Variants in SETBP1 observed in about 807,000 individuals in gnomAD.
SETBP1 encodes SET binding protein 1, also known as SET-binding protein.
A neutral mutation model predicts 101.0 loss-of-function variants in SETBP1; 9 were observed. The observed-to-expected ratio is 0.09, with a 90% CI of 0.05 to 0.16. SETBP1 has a LOEUF of 0.16. Ranked by LOEUF, SETBP1 falls within the 10% of genes least tolerant of loss-of-function variation. The probability of loss-of-function intolerance (pLI) is 1.00; values close to 1 mark genes in which losing one functional copy is unlikely to be tolerated. For missense variants in SETBP1, 1,858 were observed against 2,033.8 expected (o/e 0.91, Z 1.66); for synonymous variants, 818 against 788.5 (o/e 1.04, Z -0.63).
At position 44,957,126 on chromosome 18, in the gene SETBP1, G is replaced by A. The variant is rs770134667; in HGVS notation, c.4000+3786G>A. On this transcript the variant is annotated intron_variant, in intron 4 of 5. Transcript: ENST00000649279. ...CAGCTCCTATTTGGGCCTGTCTGTC[G>A]GCAGGCATTGCCTTCTCTTGCACAC... 8.9e-4 allele frequency among the ~76,000 whole-genome samples: 136 copies of A among 152,082 alleles called. 3 individuals carry two copies. Among genetic ancestry groups the A allele is most frequent in the Non-Finnish European group, 4.9e-4 (33 of 68,022 alleles).
intron 2 of SETBP1, among the ~76,000 whole-genome samples, chr18:44,867,512 CAT>C (rs897342246): frequency 6.6e-6 from 1 of 152,222 alleles, no homozygotes; most frequent in African/African-American, 2.4e-5. Flanking sequence ...CTGATGTACA[CAT>C]GTCTGCATGT....
chr18:44,755,668 C>A (rs1271806168), intron 2 of SETBP1, among the ~76,000 whole-genome samples: 2 of 152,112 alleles, frequency 1.3e-5, no homozygotes, highest in African/African-American at 4.8e-5. Context: ...AGCCACACTA[C>A]TAGTTCCCTG....
At chr18:44,963,637 C>T (rs2071658761) in intron 4 of SETBP1, among the ~76,000 whole-genome samples, 1 of 151,826 alleles carries the variant, frequency 6.6e-6, no homozygotes. Context: ...ACCTGTAATC[C>T]CAGCACTTTG....
At chr18:44,814,167 C>T (rs1214727870) in intron 2 of SETBP1, among the ~76,000 whole-genome samples, 1 of 152,130 alleles carries the variant, frequency 6.6e-6, no homozygotes, top group Admixed American at 6.5e-5. Flanking sequence ...AAGGTTGGTA[C>T]AGAGAACCAC....
chr18:44,840,824 A>G (rs887253328), intron 2 of SETBP1, among the ~76,000 whole-genome samples: 16 of 152,232 alleles, frequency 1.1e-4, no homozygotes, highest in African/African-American at 3.6e-4. Context: ...AGAAATGTCA[A>G]TGCTGGGGCC....
At chr18:44,818,928 T>C (rs1791765241) in intron 2 of SETBP1, among the ~76,000 whole-genome samples, 1 of 152,024 alleles carries the variant, frequency 6.6e-6, no homozygotes, top group Non-Finnish European at 1.5e-5. Flanking sequence ...TATTTCCCCA[T>C]GTTTTCTTGG....
chr18:44,937,956 C>T (rs1283234376), intron 3 of SETBP1, among the ~76,000 whole-genome samples: 4 of 152,308 alleles, frequency 2.6e-5, no homozygotes, highest in African/African-American at 4.8e-5. Flanking sequence ...AAAATGATCT[C>T]TCATGTTCTT....
intron 1 of SETBP1, among the ~76,000 whole-genome samples, chr18:44,698,429 T>G (rs1222547969): frequency 6.6e-6 from 1 of 152,212 alleles, no homozygotes; most frequent in Non-Finnish European, 1.5e-5. Flanking sequence ...GCCATGACCT[T>G]TTATTTCCAG....
intron 2 of SETBP1, among the ~76,000 whole-genome samples, chr18:44,758,377 T>C (rs997045054): frequency 1.7e-4 from 25 of 150,524 alleles, no homozygotes; most frequent in African/African-American, 6.1e-4. Flanking sequence ...GTCACAGAGC[T>C]GAAAGAATTT....
chr18:44,756,535 A>G (rs2070500488), intron 2 of SETBP1, among the ~76,000 whole-genome samples: 1 of 152,198 alleles, frequency 6.6e-6, no homozygotes, highest in Admixed American at 6.5e-5. Flanking sequence ...GCCAGGCTCC[A>G]GGGCACACGG....
At chr18:44,850,816 A>G (rs1252324128) in intron 2 of SETBP1, among the ~76,000 whole-genome samples, 1 of 152,216 alleles carries the variant, frequency 6.6e-6, no homozygotes, top group Non-Finnish European at 1.5e-5. Context: ...CTCACTGACC[A>G]TGTCAAAATT....
At chr18:44,913,023 T>A (rs535177497) in intron 3 of SETBP1, among the ~76,000 whole-genome samples, 1 of 152,268 alleles carries the variant, frequency 6.6e-6, no homozygotes, top group East Asian at 1.9e-4. Flanking sequence ...AACCACAAGT[T>A]CTGGAGCTAG....
intron 4 of SETBP1, among the ~76,000 whole-genome samples, chr18:44,963,899 CAAAAAAAAA>C (rs59077847): frequency 2.4e-5 from 1 of 41,618 alleles, no homozygotes; most frequent in African/African-American, 1.1e-4. Flanking sequence ...GACCCCATCT[CAAAAAAAAA>C]AAAAAAAAAA....
chr18:44,997,872 A>G (rs1344177208), intron 4 of SETBP1, among the ~76,000 whole-genome samples: 1 of 152,230 alleles, frequency 6.6e-6, no homozygotes, highest in Non-Finnish European at 1.5e-5. Flanking sequence ...GCAGTTCATC[A>G]AATAGTCTTA....
intron 5 of SETBP1, among the ~76,000 whole-genome samples, chr18:45,048,897 G>A (rs377212156): frequency 4.8e-5 from 7 of 146,924 alleles, no homozygotes; most frequent in South Asian, 2.1e-4. Context: ...GCGTGAACCC[G>A]GGAAGCGGAG....
chr18:44,860,452 T>C (rs1394233454), intron 2 of SETBP1, among the ~76,000 whole-genome samples: 1 of 152,190 alleles, frequency 6.6e-6, no homozygotes, highest in Non-Finnish European at 1.5e-5. Flanking sequence ...GCAGGCATAC[T>C]GCCTGCAAGA....
chr18:44,959,465 A>G (rs2071563807), intron 4 of SETBP1, among the ~76,000 whole-genome samples: 1 of 152,254 alleles, frequency 6.6e-6, no homozygotes, highest in Non-Finnish European at 1.5e-5. Context: ...TTAATGATTT[A>G]TTTAATGCCT....
At chr18:44,751,121 G>A in intron 2 of SETBP1, among the ~76,000 whole-genome samples, 1 of 152,216 alleles carries the variant, frequency 6.6e-6, no homozygotes, top group Non-Finnish European at 1.5e-5. Flanking sequence ...GCAAAGTAAA[G>A]TTTTTTGTTT....
intron 3 of SETBP1, among the ~76,000 whole-genome samples, chr18:44,896,509 G>T (rs1474016748): frequency 6.6e-6 from 1 of 151,936 alleles, no homozygotes. Context: ...AAGTTTTTTT[G>T]TTTTGTTTTG....
Sources: gnomAD v4.1 joint callset for allele counts (sites outside exome capture counted in the v4.1 genomes callset) on GRCh38, gnomAD v4.1.1 for gene constraint, MANE v1.5 for transcripts, NCBI Gene and HGNC (gene_info 2026-07-23, HGNC 2026-07-21) for gene names.